MAP3K19: variants seen among roughly 807,000 people sequenced by gnomAD.
MAP3K19 encodes the protein mitogen-activated protein kinase kinase kinase 19.
A neutral mutation model predicts 114.4 loss-of-function variants in MAP3K19; 91 were observed. The ratio of observed to expected loss-of-function variants is 0.80; its 90% CI spans 0.67 to 0.95. The LOEUF is 0.95. Ranked by LOEUF, MAP3K19 falls within the 40% of genes least tolerant of loss-of-function variation. MAP3K19 has a pLI of 0.00. For synonymous variants in MAP3K19, 518 were observed against 530.5 expected (o/e 0.98, Z 0.32); for missense variants, 1,471 against 1,573.2 (o/e 0.94, Z 1.10).
At chr2:134,989,745 A>T (rs1023855794) in intron 9 of MAP3K19, among the ~76,000 whole-genome samples, 1 of 152,210 alleles carries the variant, frequency 6.6e-6, no homozygotes, top group Non-Finnish European at 1.5e-5. Context: ...TGGGGGAAAG[A>T]AAAGAATTGC....
chr2:135,019,642 A>C (rs1217873660), intron 5 of MAP3K19, among the ~76,000 whole-genome samples: 1 of 152,072 alleles, frequency 6.6e-6, no homozygotes, highest in Non-Finnish European at 1.5e-5. Flanking sequence ...ACAGAATGAG[A>C]CCCAATCTCA....
chr2:134,976,195 T>TGGTG (rs1413674237), intron 12 of MAP3K19, among the ~76,000 whole-genome samples: 1 of 152,186 alleles, frequency 6.6e-6, no homozygotes, highest in Non-Finnish European at 1.5e-5. Flanking sequence ...GGATGGAGTC[T>TGGTG]GGTGGGGGCT....
In MAP3K19 at chr2:134,987,673, G is replaced by C; in HGVS notation, c.1199C>G (p.Ser400Ter). Reference sequence around the variant, plus strand: ...TTCATCCTGGCTTGGAGTTATTTCTGAATGCTGGGTTTCTTGGAACTTGCT... The same window carrying C: ...TTCATCCTGGCTTGGAGTTATTTCTCAATGCTGGGTTTCTTGGAACTTGCT... ...IPSKFQETQH[S>*]EITPSQDEEM... is the part of the protein sequence containing the mutation. The change falls in exon 10 of 13, where the codon TCA (serine) becomes TGA (stop). Residue 400 changes from serine (S) to a stop codon, truncating the protein, a stop_gained. Coordinates refer to ENST00000392915, the MANE Select transcript of MAP3K19 (RefSeq NM_025052.5). LOFTEE classifies it high-confidence loss of function. The C allele has an allele frequency of 6.2e-7, 1 of 1,613,782 alleles. No individual in the cohort carries two copies. Among genetic ancestry groups the C allele is most frequent in the Non-Finnish European group, 8.5e-7 (1 of 1,180,022 alleles).
intron 12 of MAP3K19, among the ~76,000 whole-genome samples, chr2:134,976,079 TG>T (rs749495985): frequency 4.6e-5 from 7 of 152,190 alleles, no homozygotes; most frequent in Non-Finnish European, 1.0e-4. Flanking sequence ...GCCACTCCAC[TG>T]GGTACAACTG....
At chr2:134,978,147 C>A (rs527754396) in intron 12 of MAP3K19, among the ~76,000 whole-genome samples, 17 of 152,068 alleles carry the variant, frequency 1.1e-4, no homozygotes, top group African/African-American at 4.1e-4. Flanking sequence ...TTTTCCTCAG[C>A]CCTATAATTT....
chr2:134,999,140 G>A lies in MAP3K19; in HGVS notation c.315-143C>T. Reference sequence around the variant, plus strand: ...GCTGAAAGGAAAGGCTGAATCCTGAGAGGGTAAGACATCTCCACCTGCTGA... The same window carrying A: ...GCTGAAAGGAAAGGCTGAATCCTGAAAGGGTAAGACATCTCCACCTGCTGA... On this transcript the variant is annotated intron_variant, in intron 7 of 12. Coordinates refer to ENST00000392915, the MANE Select transcript of MAP3K19 (RefSeq NM_025052.5). This position sits in a 1 kb window ranked among gnomAD's most constrained non-coding sequence, Gnocchi z 4.1. The A allele has an allele frequency of 1.0e-6, 1 of 978,550 alleles. No individual in the cohort carries two copies. The highest frequency in any genetic ancestry group is 1.5e-6 in the Non-Finnish European group (1 of 662,478). The allele number at this position is 978,550 out of a possible 1,614,324, so 60.6% of individuals were successfully genotyped here.
Position 134,985,939 on chromosome 2 carries a change from A to G in MAP3K19, c.2933T>C (p.Leu978Ser). ...ELLGCLAAEL[L>S]ALDEKDNNSC... Reference sequence around the variant, plus strand: ...GTTGTTATCTTTCTCATCAAGAGCTAATAATTCTGCAGCTAGACAACCTAA... The same window carrying G: ...GTTGTTATCTTTCTCATCAAGAGCTGATAATTCTGCAGCTAGACAACCTAA... The change falls in exon 10 of 13, where the codon TTA becomes TCA. Residue 978 changes from leucine to serine, a missense_variant. Physicochemically the swap from Leu to Ser is moderately radical, Grantham distance 145 (BLOSUM62 -2). Coordinates refer to ENST00000392915, the MANE Select transcript of MAP3K19 (RefSeq NM_025052.5). 6.2e-7 allele frequency: 1 copy of G among 1,614,162 alleles called. No individual in the cohort carries two copies. Among genetic ancestry groups the G allele is most frequent in the Non-Finnish European group, 8.5e-7 (1 of 1,180,006 alleles).
At chr2:134,992,755 C>T (rs1020264764) in intron 8 of MAP3K19, among the ~76,000 whole-genome samples, 1 of 151,950 alleles carries the variant, frequency 6.6e-6, no homozygotes, top group Non-Finnish European at 1.5e-5. Context: ...CTGCAACCTC[C>T]ACCTCCTGGG....
intron 3 of MAP3K19, among the ~76,000 whole-genome samples, chr2:135,025,928 CT>C (rs923751040): frequency 6.6e-5 from 10 of 152,188 alleles, no homozygotes; most frequent in African/African-American, 2.2e-4. Flanking sequence ...ATGAAACTTG[CT>C]TTACTTATCC....
intron 10 of MAP3K19, among the ~76,000 whole-genome samples, chr2:134,985,097 G>A (rs368472081): frequency 1.1e-4 from 16 of 152,272 alleles, no homozygotes; most frequent in Non-Finnish European, 1.5e-4. Flanking sequence ...TAGTGAAAAC[G>A]ATAACAAAGA....
rs775267055 is a variant in MAP3K19 at position 134,986,750 on chromosome 2, T to TCTGATATTG, written c.2121_2122insCAATATCAG (p.Glu707_Arg708insGlnTyrGln). ...AGTCTTGTTCTGATATTGCTCTTCC[T>TCTGATATTG]CTCACTGTGTGAAGATCGACATTTA... On this transcript the variant is annotated inframe_insertion, in exon 10 of 13. Coordinates refer to ENST00000392915, the MANE Select transcript of MAP3K19 (RefSeq NM_025052.5). 3.1e-6 allele frequency: 5 copies of TCTGATATTG among 1,614,238 alleles called. No individual in the cohort carries two copies. The South Asian group carries it at 5.5e-5, about 18-fold the overall frequency.
At chr2:134,983,116 C>T in intron 11 of MAP3K19, 1 of 483,560 alleles carries the variant, frequency 2.1e-6, no homozygotes, top group South Asian at 1.6e-5. Flanking sequence ...TAACTATAGT[C>T]ACCCTACTGT....
At chr2:134,991,828 A>G (rs1386480216) in intron 8 of MAP3K19, among the ~76,000 whole-genome samples, 1 of 152,186 alleles carries the variant, frequency 6.6e-6, no homozygotes, top group Non-Finnish European at 1.5e-5. Flanking sequence ...AGATCTCTGG[A>G]CCAGAGAGCA....
intron 8 of MAP3K19, among the ~76,000 whole-genome samples, chr2:134,995,818 G>A (rs1023684796): frequency 4.6e-5 from 7 of 152,152 alleles, no homozygotes; most frequent in African/African-American, 7.2e-5. Flanking sequence ...TTGCTTGTGT[G>A]TGAGGCAAGT....
chr2:134,988,366 G>C, intron 9 of MAP3K19, 113 bp from the exon 10 acceptor site: 1 of 867,052 alleles, frequency 1.2e-6, no homozygotes, highest in Non-Finnish European at 1.7e-6. Context: ...GGCTTTTAAA[G>C]TTCAAAGCTA....
Position 134,985,821 on chromosome 2 carries a change from C to T in MAP3K19, c.3051G>A (p.Glu1017=). The T allele has an allele frequency of 6.2e-7, 1 of 1,607,816 alleles. No homozygotes were observed. Residue 1017 remains glutamate (E), a synonymous_variant, in exon 10 of 13, where the codon GAG becomes GAA. Transcript: ENST00000392915. ...RGSTPKEMGR[E]TTKVKIQRHS... is the part of the protein sequence containing the mutation. Reference sequence around the variant, plus strand: ...CAACCTGTATTTTGACTTTTGTTGTCTCTCTGCCCATTTCTTTTGGGGTAC... The same window carrying T: ...CAACCTGTATTTTGACTTTTGTTGTTTCTCTGCCCATTTCTTTTGGGGTAC...
intron 3 of MAP3K19, among the ~76,000 whole-genome samples, chr2:135,029,454 T>A (rs911866172): frequency 1.3e-5 from 2 of 152,194 alleles, no homozygotes; most frequent in African/African-American, 4.8e-5. Flanking sequence ...AAATACATTG[T>A]CTTTCAAAAA....
intron 12 of MAP3K19, among the ~76,000 whole-genome samples, chr2:134,968,426 G>T (rs1683558923): frequency 6.7e-6 from 1 of 149,278 alleles, no homozygotes; most frequent in Non-Finnish European, 1.5e-5. Flanking sequence ...TCACATCCCA[G>T]TAGGGGCGGC....
At chr2:135,007,198 A>G (rs1371063738) in intron 5 of MAP3K19, among the ~76,000 whole-genome samples, 1 of 152,004 alleles carries the variant, frequency 6.6e-6, no homozygotes, top group Non-Finnish European at 1.5e-5. Flanking sequence ...CCCTCCATTT[A>G]TACAGTCATT....
Sources: gnomAD v4.1 joint callset for allele counts (sites outside exome capture counted in the v4.1 genomes callset) on GRCh38, gnomAD v4.1.1 for gene constraint, Gnocchi (gnomAD v3.1) non-coding constraint, MANE v1.5 for transcripts, NCBI Gene and HGNC (gene_info 2026-07-23, HGNC 2026-07-21) for gene names.